MTHFSD: variants seen among roughly 807,000 people sequenced by gnomAD.
MTHFSD encodes the protein methenyltetrahydrofolate synthetase domain containing.
In MTHFSD, 37 loss-of-function variants were observed where a neutral mutation model predicts 31.1. The observed-to-expected ratio is 1.19, with a 90% CI of 0.91 to 1.56. MTHFSD has a LOEUF of 1.56. MTHFSD is among the 40% of genes most tolerant of loss of function. The probability of loss-of-function intolerance (pLI) is 0.00; values close to 1 mark genes in which losing one functional copy is unlikely to be tolerated. For missense variants in MTHFSD, 664 were observed against 510.1 expected, an observed-to-expected ratio of 1.30 and a Z score of -2.91; for synonymous variants, 221 against 206.9, an observed-to-expected ratio of 1.07 and a Z score of -0.59.
intron 7 of MTHFSD, 59 bp from the exon 8 acceptor site, chr16:86,532,540 A>T: frequency 7.9e-7 from 1 of 1,266,308 alleles, no homozygotes; most frequent in Non-Finnish European, 1.0e-6. Context: ...CACCTGCCAC[A>T]CACGCATCCA....
chr16:86,539,374 A>C (rs1971159841), intron 7 of MTHFSD, among the ~76,000 whole-genome samples: 1 of 152,256 alleles, frequency 6.6e-6, no homozygotes, highest in Non-Finnish European at 1.5e-5. Context: ...AGAAACATGC[A>C]TGGCGTCCAG....
chr16:86,542,332 G>A lies in MTHFSD; in HGVS notation c.443-119C>T. On this transcript the variant is annotated intron_variant, in intron 5 of 7. Transcript: ENST00000360900. The surrounding 1 kb of genome is among the most constrained non-coding windows in gnomAD (Gnocchi z 4.6). ...ACCCAATATCCCGAGCTAATCTATA[G>A]AAATTTTCACAGAAATGCCCACCAA... 1.2e-6 allele frequency: 1 copy of A among 843,178 alleles called. No individual in the cohort carries two copies. The highest frequency in any genetic ancestry group is 1.8e-6 in the Non-Finnish European group (1 of 555,224). The allele number at this position is 843,178 out of a possible 1,614,324, so 52.2% of individuals were successfully genotyped here.
At chr16:86,552,866 T>C (rs1597385269) in intron 2 of MTHFSD, among the ~76,000 whole-genome samples, 1 of 152,140 alleles carries the variant, frequency 6.6e-6, no homozygotes, top group African/African-American at 2.4e-5. Context: ...CAAAATGGGG[T>C]GAAGCAAGCC....
intron 4 of MTHFSD, 122 bp from the exon 5 acceptor site, chr16:86,546,771 G>T: frequency 1.3e-6 from 1 of 792,780 alleles, no homozygotes; most frequent in Non-Finnish European, 2.1e-6. Flanking sequence ...GCAGGCACAC[G>T]CAACACCGGA....
In MTHFSD at chr16:86,541,773, T is replaced by A. The variant is rs768632861; in HGVS notation, c.605A>T (p.Asp202Val). 1.5e-5 allele frequency: 25 copies of A among 1,614,072 alleles called. No individual in the cohort carries two copies. Among genetic ancestry groups the A allele is most frequent in the Admixed American group, 1.5e-4 (9 of 60,006 alleles). The change falls in exon 7 of 8, where the codon GAC becomes GTC. Residue 202 changes from aspartate to valine, a missense_variant. By Grantham distance (152) the Asp-to-Val change is radical (BLOSUM62 -3). Coordinates refer to ENST00000360900, the MANE Select transcript of MTHFSD (RefSeq NM_001159377.2). ...ELVEEHDITV[D>V]YILTPTRVIA... The stretch of plus-strand genomic sequence containing the variant: ...GACTCTGGTTGGAGTGAGGATGTAG[T>A]CCACAGTGATGTCGTGCTCCTCAAC...
At chr16:86,541,430 C>T (rs977429634) in intron 7 of MTHFSD, 8 of 605,186 alleles carry the variant, frequency 1.3e-5, no homozygotes, top group African/African-American at 1.1e-4. Context: ...AGGCATTCAC[C>T]CTCCCAGCCC....
At chr16:86,540,593 T>C in intron 7 of MTHFSD, 1 of 854,606 alleles carries the variant, frequency 1.2e-6, no homozygotes, top group Non-Finnish European at 1.4e-6. Context: ...TGTGCAACCT[T>C]CCCACCATCC....
intron 7 of MTHFSD, among the ~76,000 whole-genome samples, chr16:86,538,616 C>G (rs1205179281): frequency 2.0e-5 from 3 of 152,248 alleles, no homozygotes; most frequent in Non-Finnish European, 4.4e-5. Flanking sequence ...CCAAATGGCT[C>G]TCAGCCCACT....
At chr16:86,541,114 C>A in intron 7 of MTHFSD, 19 of 1,279,176 alleles carry the variant, frequency 1.5e-5, no homozygotes, top group Non-Finnish European at 1.8e-5. Context: ...TGTTTGCCAG[C>A]AGAGACAGCA....
chr16:86,544,196 T>C (rs1971937037), intron 5 of MTHFSD, among the ~76,000 whole-genome samples: 1 of 152,172 alleles, frequency 6.6e-6, no homozygotes, highest in Non-Finnish European at 1.5e-5. Context: ...AAAATTGTCT[T>C]CCATGAAACC....
At chr16:86,539,479 A>G (rs1184532194) in intron 7 of MTHFSD, among the ~76,000 whole-genome samples, 3 of 152,258 alleles carry the variant, frequency 2.0e-5, no homozygotes, top group Admixed American at 1.3e-4. Flanking sequence ...GGCATTCTAC[A>G]TGCACTGCCT....
At chr16:86,540,860 C>T in intron 7 of MTHFSD, 1 of 1,086,502 alleles carries the variant, frequency 9.2e-7, no homozygotes, top group Non-Finnish European at 1.1e-6. Flanking sequence ...GGAGTGCACA[C>T]CTGGGAGTCC....
rs768859471 is a variant in MTHFSD, at chr16:86,554,681, A to C, written c.87T>G (p.Phe29Leu). 7.4e-6 allele frequency: 12 copies of C among 1,614,072 alleles called. No individual in the cohort carries two copies. The East Asian group carries it at 2.4e-4, about 33-fold the overall frequency. Residue 29 changes from phenylalanine (F) to leucine (L), a missense_variant, in exon 2 of 8, where the codon TTT (phenylalanine) becomes TTG (leucine). Coordinates refer to ENST00000360900, the MANE Select transcript of MTHFSD (RefSeq NM_001159377.2). ...GTATCCTGTGATGAACAGGTCGGGGAAAGTCAGCTAAATTTTGTGATTCCA... is the reference window on the plus strand; with the variant it reads ...GTATCCTGTGATGAACAGGTCGGGGCAAGTCAGCTAAATTTTGTGATTCCA... Reference protein sequence around the residue: ...GYMESQNLADFPRPVHHRIPN... With the variant: ...GYMESQNLADLPRPVHHRIPN...
At chr16:86,540,937 A>G in intron 7 of MTHFSD, 1 of 1,142,548 alleles carries the variant, frequency 8.8e-7, no homozygotes, top group Non-Finnish European at 1.1e-6. Flanking sequence ...AGCAGCAGGT[A>G]TTCTGTGTTC....
chr16:86,550,419 C>T (rs553220835), intron 3 of MTHFSD, among the ~76,000 whole-genome samples: 87 of 152,344 alleles, frequency 5.7e-4, no homozygotes, highest in Non-Finnish European at 1.1e-3. Flanking sequence ...GCTGACCACA[C>T]GGTCAAGGTT....
At position 86,531,834 on chromosome 16, in the gene MTHFSD, C is replaced by G. The variant is rs1371694655; in HGVS notation, c.*177G>C. 2.3e-6 allele frequency: 1 copy of G among 438,284 alleles called. No individual in the cohort carries two copies. Among genetic ancestry groups the G allele is most frequent in the Non-Finnish European group, 4.0e-6 (1 of 250,996 alleles). The allele number at this position is 438,284 out of a possible 1,614,324, so 27.1% of individuals were successfully genotyped here. On this transcript the variant is annotated 3_prime_UTR_variant, in exon 8 of 8. Transcript: ENST00000360900. This position sits in a 1 kb window ranked among gnomAD's most constrained non-coding sequence, Gnocchi z 5.5. ...TGAACCGCAGGGCGGCTTCCCCACT[C>G]ACAGGAGGGCCTGGGCGTTCACTGA... is the stretch of plus-strand genomic sequence containing the variant.
chr16:86,532,745 G>C (rs1016683925), intron 7 of MTHFSD: 9 of 315,376 alleles, frequency 2.9e-5, no homozygotes, highest in Non-Finnish European at 5.2e-5. Flanking sequence ...ACGAGCTGTG[G>C]AGGCTGCAGG....
chr16:86,547,852 A>C (rs1471023207), intron 4 of MTHFSD, among the ~76,000 whole-genome samples: 1 of 152,214 alleles, frequency 6.6e-6, no homozygotes, highest in Non-Finnish European at 1.5e-5. Flanking sequence ...CAGTAGATTA[A>C]AAATTAAATG....
Position 86,552,358 on chromosome 16 carries a change from C to T in MTHFSD, c.124-212G>A, listed in dbSNP as rs1224156797. ...GCTCTCAGGCCAACTGCAGCCCAAG[C>T]AGCTCGGCCCAGAATCTCACCCAGA... is the stretch of plus-strand genomic sequence containing the variant. On this transcript the variant is annotated intron_variant, in intron 2 of 7. Coordinates refer to ENST00000360900, the MANE Select transcript of MTHFSD (RefSeq NM_001159377.2). The T allele has an allele frequency of 4.4e-6, 6 of 1,374,850 alleles. No individual in the cohort carries two copies. In the African/African-American group the frequency reaches 5.8e-5, roughly 13 times the overall value. The allele number at this position is 1,374,850 out of a possible 1,614,324, so 85.2% of individuals were successfully genotyped here.
Sources: allele counts gnomAD v4.1 joint callset (sites outside exome capture counted in the v4.1 genomes callset), GRCh38; gene constraint gnomAD v4.1.1; non-coding constraint Gnocchi (gnomAD v3.1); transcripts MANE v1.5; gene names NCBI Gene and HGNC (gene_info 2026-07-23, HGNC 2026-07-21).